GCN1: variants seen among roughly 807,000 people sequenced by gnomAD.
The protein encoded by GCN1 is stalled ribosome sensor GCN1.
Under a neutral mutation model 288.4 loss-of-function variants are expected in GCN1, and 90 were observed. The observed-to-expected ratio is 0.31, with a 90% CI of 0.26 to 0.37. The LOEUF (loss-of-function observed/expected upper bound fraction) is 0.37. Among genes scored for constraint, GCN1 ranks in the 10% least tolerant of loss-of-function variants. The pLI is 1.00. For missense variants in GCN1, 2,586 were observed against 3,419.9 expected, an observed-to-expected ratio of 0.76 and a Z score of 6.08; for synonymous variants, 1,386 against 1,420.2, an observed-to-expected ratio of 0.98 and a Z score of 0.54.
In GCN1 at chr12:120,153,379, A is replaced by G; in HGVS notation, c.3896T>C (p.Phe1299Ser). 6.2e-7 allele frequency: 1 copy of G among 1,614,166 alleles called. No individual in the cohort carries two copies. Among genetic ancestry groups the G allele is most frequent in the Non-Finnish European group, 8.5e-7 (1 of 1,180,026 alleles). ...GGGCGCGTTCTTCAGGAACTCCTCG[A>G]ATACTGGCAACAGCGAGTTGACGTT... ...KENVNSLLPVFEEFLKNAPND... is the reference protein window; with the variant it reads ...KENVNSLLPVSEEFLKNAPND... Residue 1299 changes from phenylalanine (F) to serine (S), a missense_variant, in exon 33 of 58, where the codon TTC becomes TCC. Phe to Ser is a radical substitution (Grantham distance 155, BLOSUM62 -2). Around this residue, in one of 8 missense-constraint regions of GCN1, gnomAD observed 332 missense variants for 403.0 expected, o/e 0.82. Transcript: ENST00000300648. This position sits in a 1 kb window ranked among gnomAD's most constrained non-coding sequence, Gnocchi z 4.4.
intron 9 of GCN1, 32 bp from the exon 10 acceptor site, chr12:120,176,249 G>A: frequency 7.2e-7 from 1 of 1,396,550 alleles, no homozygotes; most frequent in Non-Finnish European, 1.0e-6. Context: ...GACCATGTCA[G>A]TCTAAGCAAT....
intron 39 of GCN1, 26 bp from the exon 40 acceptor site, chr12:120,145,087 G>GGT: frequency 6.2e-7 from 1 of 1,613,730 alleles, no homozygotes; most frequent in Non-Finnish European, 8.5e-7. Context: ...GAGCAGAGAT[G>GGT]GTGTGAGAAG....
At chr12:120,173,884 T>G in intron 13 of GCN1, 58 bp from the exon 14 acceptor site, 1 of 1,435,536 alleles carries the variant, frequency 7.0e-7, no homozygotes, top group Admixed American at 1.8e-5. Context: ...GTCAAATCAT[T>G]GCAAGCAGTG....
chr12:120,138,657 G>A (rs1287561286), intron 46 of GCN1, 38 bp downstream of exon 46: 1 of 1,592,538 alleles, frequency 6.3e-7, no homozygotes, highest in South Asian at 1.1e-5. Flanking sequence ...GACGGCAAAA[G>A]CCAAACTGGT....
intron 18 of GCN1, 91 bp from the exon 19 acceptor site, chr12:120,163,350 C>G: frequency 2.0e-6 from 2 of 1,017,742 alleles, no homozygotes; most frequent in Admixed American, 3.9e-5. Context: ...AGCGGCCCCT[C>G]ACTCAGTTCT....
rs1454760129 is a variant in GCN1 at position 120,159,824 on chromosome 12, C to T, written c.2749+1G>A. The T allele has an allele frequency of 1.2e-6, 2 of 1,613,798 alleles. No homozygotes were observed. Among genetic ancestry groups the T allele is most frequent in the African/African-American group, 1.3e-5 (1 of 74,922 alleles). The stretch of plus-strand genomic sequence containing the variant: ...CCTGCAGCCAGCAAACAAGGACTAA[C>T]CCAAAGCCTTGAGCCTAGAGGGCAT... On this transcript the variant is annotated splice_donor_variant, in intron 24 of 57. Coordinates refer to ENST00000300648, the MANE Select transcript of GCN1 (RefSeq NM_006836.2). LOFTEE classifies it high-confidence loss of function.
chr12:120,150,059 G>A lies in GCN1; in HGVS notation c.4310-16C>T, dbSNP rs758184656. On this transcript the variant is annotated splice_polypyrimidine_tract_variant and intron_variant, in intron 34 of 57. Coordinates refer to ENST00000300648, the MANE Select transcript of GCN1 (RefSeq NM_006836.2). ...AAGAGGGCTCCTAGGGGAAAAGAAG[G>A]TGGGACGGCTGGGAAGAGAATGTCC... The A allele has an allele frequency of 6.2e-7, 1 of 1,613,258 alleles. No homozygotes were observed. Among genetic ancestry groups the A allele is most frequent in the Non-Finnish European group, 8.5e-7 (1 of 1,179,818 alleles).
At position 120,134,520 on chromosome 12, in the gene GCN1, G is replaced by A. The variant is rs1594258914; in HGVS notation, c.7202+13C>T. 2 of 1,611,176 alleles carry A rather than the reference G, an allele frequency of 1.2e-6. No individual in the cohort carries two copies. Among genetic ancestry groups the A allele is most frequent in the Non-Finnish European group, 1.7e-6 (2 of 1,177,560 alleles). On this transcript the variant is annotated intron_variant, in intron 52 of 57. Coordinates refer to ENST00000300648, the MANE Select transcript of GCN1 (RefSeq NM_006836.2). This position sits in a 1 kb window ranked among gnomAD's most constrained non-coding sequence, Gnocchi z 5.0. ...CTCCTGGAGGCCACAGTGCTCCCTT[G>A]CCAGCGCCGTACCTGACACCTGGGT...
chr12:120,155,229 C>T lies in GCN1; in HGVS notation c.3630+12G>A, dbSNP rs1204518406. On this transcript the variant is annotated intron_variant, in intron 30 of 57. Coordinates refer to ENST00000300648, the MANE Select transcript of GCN1 (RefSeq NM_006836.2). The surrounding 1 kb of genome is among the most constrained non-coding windows in gnomAD (Gnocchi z 4.9). ...ACACCCAGACTGCATCAGGGCTGCA[C>T]AGGTCACTCACGTAGAGCTTTTCCT... 6 of 1,613,292 alleles carry T rather than the reference C, an allele frequency of 3.7e-6. No homozygotes were observed. The African/African-American group carries it at 5.3e-5, about 14-fold the overall frequency.
rs1468061936 is a variant in GCN1 at position 120,184,847 on chromosome 12, G to C, written c.162C>G (p.Phe54Leu). 1 of 1,612,312 alleles carries C rather than the reference G, an allele frequency of 6.2e-7. No individual in the cohort carries two copies. Among genetic ancestry groups the C allele is most frequent in the Non-Finnish European group, 8.5e-7 (1 of 1,178,584 alleles). The change falls in exon 3 of 58, where the codon TTC (phenylalanine) becomes TTG (leucine). Residue 54 changes from phenylalanine (F) to leucine (L), a missense_variant. Coordinates refer to ENST00000300648, the MANE Select transcript of GCN1 (RefSeq NM_006836.2). ...EGAVKGLCKL[F>L]CLTLHRYRDA... ...ACCTATATCGATGCAGAGTCAAGCA[G>C]AACAATTTGCAGAGCCCCTTCACTG...
intron 44 of GCN1, among the ~76,000 whole-genome samples, chr12:120,141,983 T>C (rs536451894): frequency 3.3e-4 from 50 of 152,324 alleles, no homozygotes; most frequent in Middle Eastern, 6.8e-3. Context: ...TTCTTCTCCA[T>C]TGTGTCCCCA....
chr12:120,155,073 C>T lies in GCN1; in HGVS notation c.3631-33G>A, dbSNP rs760775924. On this transcript the variant is annotated intron_variant, in intron 30 of 57. Transcript: ENST00000300648. This position sits in a 1 kb window ranked among gnomAD's most constrained non-coding sequence, Gnocchi z 4.9. ...AGACAAGTTGGTAAATGCTTTGCAA[C>T]GGGCAGATCAATGACCTGGGCACCA... is the stretch of plus-strand genomic sequence containing the variant. 30 of 1,593,104 alleles carry T rather than the reference C, an allele frequency of 1.9e-5. No homozygotes were observed. The highest frequency in any genetic ancestry group is 5.5e-5 in the South Asian group (5 of 90,672).
chr12:120,184,292 G>A (rs749951762), intron 3 of GCN1, 49 bp from the exon 4 acceptor site: 3 of 1,571,234 alleles, frequency 1.9e-6, no homozygotes, highest in South Asian at 1.1e-5. Flanking sequence ...CTCAGGCAGA[G>A]GCAGGGGCAA....
In GCN1 at chr12:120,150,140, C is replaced by G. The variant is rs1403190450; in HGVS notation, c.4310-97G>C. 7 of 1,235,730 alleles carry G rather than the reference C, an allele frequency of 5.7e-6. No individual in the cohort carries two copies. The East Asian group carries it at 9.9e-5, about 17-fold the overall frequency. The allele number at this position is 1,235,730 out of a possible 1,614,324, so 76.5% of individuals were successfully genotyped here. A position where few individuals can be genotyped will look rare whatever the true frequency, so the allele number is the denominator to read the frequency against. On this transcript the variant is annotated intron_variant, in intron 34 of 57. Transcript: ENST00000300648. Reference sequence around the variant, plus strand: ...CAGCAACCTCCCTGCCACCTCCCACCCCTCTGGAAACACTCAGAAACAGCT... The same window carrying G: ...CAGCAACCTCCCTGCCACCTCCCACGCCTCTGGAAACACTCAGAAACAGCT...
intron 2 of GCN1, among the ~76,000 whole-genome samples, chr12:120,188,170 A>T (rs1235764598): frequency 2.0e-5 from 3 of 152,248 alleles, no homozygotes; most frequent in African/African-American, 7.2e-5. Context: ...ATGGTGGCTG[A>T]CGCCTGTAAT....
chr12:120,146,997 T>A, intron 38 of GCN1, 55 bp downstream of exon 38: 1 of 1,084,832 alleles, frequency 9.2e-7, no homozygotes, highest in Non-Finnish European at 1.3e-6. Context: ...CACCTCTGAC[T>A]CTGCACTCAA....
Position 120,130,631 on chromosome 12 carries a change from T to C in GCN1, c.7671+15A>G. 1 of 1,565,558 alleles carries C rather than the reference T, an allele frequency of 6.4e-7. No homozygotes were observed. Among genetic ancestry groups the C allele is most frequent in the South Asian group, 1.1e-5 (1 of 90,034 alleles). ...CAGGTGTTAGGGCTTAAACACATGCTTGGCCCCCACTCACCTTAACGAACA... is the reference window on the plus strand; with the variant it reads ...CAGGTGTTAGGGCTTAAACACATGCCTGGCCCCCACTCACCTTAACGAACA... On this transcript the variant is annotated intron_variant, in intron 56 of 57. Transcript: ENST00000300648.
At chr12:120,175,095 C>G (rs1227163718) in intron 12 of GCN1, 67 bp downstream of exon 12, 1 of 1,416,998 alleles carries the variant, frequency 7.1e-7, no homozygotes, top group Non-Finnish European at 9.6e-7. Context: ...CCACTGCACT[C>G]TATCCTAGAT....
chr12:120,156,933 C>A lies in GCN1; in HGVS notation c.3147G>T (p.Gly1049=), dbSNP rs1357462617. 1.9e-6 allele frequency: 3 copies of A among 1,612,546 alleles called. No individual in the cohort carries two copies. The highest frequency in any genetic ancestry group is 2.5e-6 in the Non-Finnish European group (3 of 1,178,646). Residue 1049 remains glycine, a synonymous_variant, in exon 27 of 58, where the codon GGG becomes GGT. Coordinates refer to ENST00000300648, the MANE Select transcript of GCN1 (RefSeq NM_006836.2). This position sits in a 1 kb window ranked among gnomAD's most constrained non-coding sequence, Gnocchi z 5.8. ...TCACCTGTAAGCGAGGCGAGCCCGT[C>A]CCGATCACCCAAGTCAGAAGACGCA... The part of the protein sequence containing the change: ...AMLRLLTWVI[G]TGSPRLQVLA...
Sources: allele counts gnomAD v4.1 joint callset (sites outside exome capture counted in the v4.1 genomes callset), GRCh38; gene constraint gnomAD v4.1.1; regional missense constraint gnomAD v4.1.1; non-coding constraint Gnocchi (gnomAD v3.1); transcripts MANE v1.5; gene names NCBI Gene and HGNC (gene_info 2026-07-23, HGNC 2026-07-21).